Variants in ITGB4 observed in about 807,000 individuals in gnomAD.
The protein encoded by ITGB4 is integrin beta-4.
A neutral mutation model predicts 207.6 loss-of-function variants in ITGB4; 159 were observed. The observed-to-expected ratio is 0.77, with a 90% confidence interval of 0.67 to 0.87. ITGB4 has a LOEUF of 0.87. Among genes scored for constraint, ITGB4 ranks in the 40% least tolerant of loss-of-function variants. The probability of loss-of-function intolerance (pLI) is 0.00; values close to 1 mark genes in which losing one functional copy is unlikely to be tolerated. For synonymous variants in ITGB4, 1,020 were observed against 1,062.7 expected, an observed-to-expected ratio of 0.96 and a Z score of 0.78; for missense variants, 2,278 against 2,546.8, an observed-to-expected ratio of 0.89 and a Z score of 2.27.
chr17:75,731,140 T>C lies in ITGB4; in HGVS notation c.1093-106T>C. The C allele has an allele frequency of 6.3e-7, 1 of 1,584,924 alleles. No individual in the cohort carries two copies. The highest frequency in any genetic ancestry group is 1.7e-4 in the Middle Eastern group (1 of 5,824). On this transcript the variant is annotated intron_variant, in intron 9 of 39. Transcript: ENST00000200181. The surrounding 1 kb of genome is among the most constrained non-coding windows in gnomAD (Gnocchi z 6.8). ...GGGGCCACCTGGGCCTGGCCCTGGC[T>C]CCTGCAGGCTCTGTGATACCCCGCA...
intron 26 of ITGB4, among the ~76,000 whole-genome samples, chr17:75,748,197 CAAAA>C (rs57537115): frequency 2.5e-5 from 2 of 78,660 alleles, no homozygotes; most frequent in East Asian, 3.4e-4. Context: ...CGTGCCTCTA[CAAAA>C]AAAAAAAAAA....
At chr17:75,723,586 C>A (rs1388044215) in intron 1 of ITGB4, among the ~76,000 whole-genome samples, 1 of 152,242 alleles carries the variant, frequency 6.6e-6, no homozygotes, top group African/African-American at 2.4e-5. Context: ...CATGTGTTGG[C>A]GCTGCTGTGG....
chr17:75,748,653 G>A (rs1178454697), intron 26 of ITGB4, among the ~76,000 whole-genome samples, 188 bp from the exon 27 acceptor site: 1 of 151,652 alleles, frequency 6.6e-6, no homozygotes, highest in Non-Finnish European at 1.5e-5. Flanking sequence ...CTAGGTGACA[G>A]AGTGAGATTA....
chr17:75,750,018 G>A lies in ITGB4; in HGVS notation c.3317-93G>A, dbSNP rs2061330557. 4 of 1,520,434 alleles carry A rather than the reference G, an allele frequency of 2.6e-6. No individual in the cohort carries two copies. The South Asian group carries it at 3.4e-5, about 13-fold the overall frequency. 94.2% of individuals were successfully genotyped at this position (1,520,434 alleles called of 1,614,324 possible). Reference sequence around the variant, plus strand: ...GGCAGGTCTGAGTTGAATGCGCTGGGTAGAGCGCCCTGGGTGTTGAAGTGG... The same window carrying A: ...GGCAGGTCTGAGTTGAATGCGCTGGATAGAGCGCCCTGGGTGTTGAAGTGG... On this transcript the variant is annotated intron_variant, in intron 27 of 39. Transcript: ENST00000200181. The surrounding 1 kb of genome is among the most constrained non-coding windows in gnomAD (Gnocchi z 5.5).
At chr17:75,757,151 G>C (rs370027606) in intron 38 of ITGB4, 44 bp downstream of exon 38, 1 of 1,612,390 alleles carries the variant, frequency 6.2e-7, no homozygotes, top group East Asian at 2.2e-5. Flanking sequence ...TCCTCGGGCC[G>C]TGCCTCCTTC....
rs764264157 is a variant in ITGB4 at position 75,740,851 on chromosome 17, G to A, written c.2609G>A (p.Arg870Gln). ...GVHKLQQTKF[R>Q]QQPNAGKKQD... is the part of the protein sequence containing the mutation. ...CACAAGCTCCAGCAGACCAAGTTCC[G>A]GTGAGTCCCGGGGTGCCCGGGTTGG... Residue 870 changes from arginine to glutamine, a missense_variant and splice_region_variant, in exon 22 of 40, where the codon CGG becomes CAG. Arg to Gln is a conservative substitution (Grantham distance 43, BLOSUM62 1). Coordinates refer to ENST00000200181, the MANE Select transcript of ITGB4 (RefSeq NM_000213.5). This position sits in a 1 kb window ranked among gnomAD's most constrained non-coding sequence, Gnocchi z 5.9. 26 of 1,613,662 alleles carry A rather than the reference G, an allele frequency of 1.6e-5. No individual in the cohort carries two copies. Among genetic ancestry groups the A allele is most frequent in the Admixed American group, 1.2e-4 (7 of 60,014 alleles).
rs113334156 is a variant in ITGB4 at position 75,737,399 on chromosome 17, G to A, written c.2068G>A (p.Gly690Ser). The change falls in exon 17 of 40, where the codon GGC becomes AGC. Residue 690 changes from glycine to serine, a missense_variant. Physicochemically the swap from Gly to Ser is moderately conservative, Grantham distance 56 (BLOSUM62 0). Transcript: ENST00000200181. ...CTYSYTMEGD[G>S]APGPNSTVLV... ...CTACAGCTACACCATGGAAGGTGAC[G>A]GCGCCCCTGGGCCCAACAGCACTGT... The A allele has an allele frequency of 2.0e-5, 32 of 1,563,452 alleles. 1 individual carries two copies. In the African/African-American group the frequency reaches 2.2e-4, roughly 11 times the overall value.
At position 75,750,358 on chromosome 17, in the gene ITGB4, C is replaced by T. The variant is rs2061340434; in HGVS notation, c.3474+90C>T. ...AGGTGGGCCGTCCAAGGCCAGGGCC[C>T]CCTGAGAGAGAGCAGACAGTGGAAC... On this transcript the variant is annotated intron_variant, in intron 28 of 39. Coordinates refer to ENST00000200181, the MANE Select transcript of ITGB4 (RefSeq NM_000213.5). The surrounding 1 kb of genome is among the most constrained non-coding windows in gnomAD (Gnocchi z 5.5). The T allele has an allele frequency of 1.5e-6, 2 of 1,345,866 alleles. No individual in the cohort carries two copies. Among genetic ancestry groups the T allele is most frequent in the African/African-American group, 1.4e-5 (1 of 69,162 alleles). 83.4% of individuals were successfully genotyped at this position (1,345,866 alleles called of 1,614,324 possible).
chr17:75,726,352 G>T (rs1050705705), intron 2 of ITGB4, among the ~76,000 whole-genome samples: 1 of 152,226 alleles, frequency 6.6e-6, no homozygotes, highest in African/African-American at 2.4e-5. Context: ...CCTGAGCCCA[G>T]GATGTCGAGA....
rs911225515 is a variant in ITGB4 at position 75,722,076 on chromosome 17, C to T, written c.-11+464C>T. Among the ~76,000 whole-genome samples, 3 of 152,218 alleles carry T rather than the reference C, an allele frequency of 2.0e-5. No homozygotes were observed. Among genetic ancestry groups the T allele is most frequent in the African/African-American group, 7.2e-5 (3 of 41,456 alleles). ...CCACCCTGAGAGGCAGACGCCATCCCGGCTCCAGGCAGGGCTTGCTCTATG... is the reference window on the plus strand; with the variant it reads ...CCACCCTGAGAGGCAGACGCCATCCTGGCTCCAGGCAGGGCTTGCTCTATG... On this transcript the variant is annotated intron_variant, in intron 1 of 39. Coordinates refer to ENST00000200181, the MANE Select transcript of ITGB4 (RefSeq NM_000213.5). This position sits in a 1 kb window ranked among gnomAD's most constrained non-coding sequence, Gnocchi z 6.2.
intron 13 of ITGB4, among the ~76,000 whole-genome samples, chr17:75,734,492 C>T (rs1442629561): frequency 1.3e-5 from 2 of 152,096 alleles, no homozygotes; most frequent in African/African-American, 4.8e-5. Context: ...CTGGAGCTTC[C>T]TCTGTATTCC....
intron 36 of ITGB4, 26 bp from the exon 37 acceptor site, chr17:75,756,672 ACAGGCT>A: frequency 6.2e-7 from 1 of 1,612,388 alleles, no homozygotes; most frequent in Non-Finnish European, 8.5e-7. Flanking sequence ...CCACCCACCC[ACAGGCT>A]GATGCTCTTC....
chr17:75,753,791 C>T lies in ITGB4; in HGVS notation c.4135C>T (p.Leu1379=). The T allele has an allele frequency of 6.9e-7, 1 of 1,457,964 alleles. No individual in the cohort carries two copies. The highest frequency in any genetic ancestry group is 9.0e-7 in the Non-Finnish European group (1 of 1,105,168). The allele number at this position is 1,457,964 out of a possible 1,614,324, so 90.3% of individuals were successfully genotyped here. The change falls in exon 33 of 40, where the codon CTG becomes TTG. Residue 1379 remains leucine, a synonymous_variant. Transcript: ENST00000200181. ...CTGCGGCTGGAAGTTCGAGCCCCTG[C>T]TGGGGGAGGAGCTGGACCTGCGGCG... ...TGCGWKFEPL[L]GEELDLRRVT...
rs55868003 is a variant in ITGB4, at chr17:75,755,000, A to T, written c.4558+185A>T. On this transcript the variant is annotated intron_variant, in intron 34 of 39. Coordinates refer to ENST00000200181, the MANE Select transcript of ITGB4 (RefSeq NM_000213.5). ...TACACAGACATGCATGCGCACACGT[A>T]CACACATGCATGCACACTCCCTGCT... is the stretch of plus-strand genomic sequence containing the variant. The T allele has an allele frequency of 0.045, 70,638 of 1,560,518 alleles. 1,839 individuals carry two copies. Among genetic ancestry groups the T allele is most frequent in the African/African-American group, 0.055 (4,096 of 73,912 alleles).
intron 32 of ITGB4, 134 bp from the exon 33 acceptor site, chr17:75,753,631 C>T (rs1015691760): frequency 5.7e-6 from 3 of 528,748 alleles, no homozygotes; most frequent in Non-Finnish European, 8.7e-6. Context: ...TCTACCCCCG[C>T]CCCCAACACA....
rs556276397 is a variant in ITGB4, at chr17:75,729,186, A to AG, written c.567-78dup. 3.4e-5 allele frequency: 46 copies of AG among 1,335,376 alleles called. No individual in the cohort carries two copies. The South Asian group carries it at 5.4e-4, about 16-fold the overall frequency. 82.7% of individuals were successfully genotyped at this position (1,335,376 alleles called of 1,614,324 possible). A position where few individuals can be genotyped will look rare whatever the true frequency, so the allele number is the denominator to read the frequency against. ...AAAAAAAAAAAAAAATTCTCCTTCT[A>AG]GTTGAAACGAGCCAGGGGCACTGGG... On this transcript the variant is annotated intron_variant, in intron 6 of 39. Coordinates refer to ENST00000200181, the MANE Select transcript of ITGB4 (RefSeq NM_000213.5). The surrounding 1 kb of genome is among the most constrained non-coding windows in gnomAD (Gnocchi z 4.4).
chr17:75,730,095 G>A (rs1156982758), intron 7 of ITGB4, 146 bp from the exon 8 acceptor site: 8 of 1,027,406 alleles, frequency 7.8e-6, no homozygotes, highest in Non-Finnish European at 1.2e-5. Context: ...GCCGTCAGAT[G>A]CATCTTTCAT....
intron 30 of ITGB4, chr17:75,751,744 A>T (rs770283464): frequency 4.2e-6 from 1 of 237,928 alleles, no homozygotes; most frequent in Admixed American, 5.2e-5. Context: ...CCGTCTAAAA[A>T]TAAATAAATA....
rs184480370 is a variant in ITGB4, at chr17:75,736,780, G to A, written c.1990+86G>A. On this transcript the variant is annotated intron_variant, in intron 16 of 39. Transcript: ENST00000200181. ...GCAAGGGTGTCATCACCTGGACGGG[G>A]GCTTGCAGTCTGGGCTAAGGTCACA... 67 of 1,455,442 alleles carry A rather than the reference G, an allele frequency of 4.6e-5. No individual in the cohort carries two copies. In the African/African-American group the frequency reaches 7.2e-4, roughly 16 times the overall value. 90.2% of individuals were successfully genotyped at this position (1,455,442 alleles called of 1,614,324 possible). A position where few individuals can be genotyped will look rare whatever the true frequency, so the allele number is the denominator to read the frequency against.
Sources: gnomAD v4.1 joint callset for allele counts (sites outside exome capture counted in the v4.1 genomes callset) on GRCh38, gnomAD v4.1.1 for gene constraint, Gnocchi (gnomAD v3.1) non-coding constraint, MANE v1.5 for transcripts, NCBI Gene and HGNC (gene_info 2026-07-23, HGNC 2026-07-21) for gene names.